The following GABRG2 variants were observed in gnomAD, a reference collection of about 807,000 sequenced individuals.
The protein encoded by GABRG2 is gamma-aminobutyric acid receptor subunit gamma-2.
A neutral mutation model predicts 56.4 loss-of-function variants in GABRG2; 16 were observed. That is an observed-to-expected ratio of 0.28 (90% CI 0.19 to 0.43). The LOEUF (loss-of-function observed/expected upper bound fraction) is 0.43, where lower values mean the gene tolerates loss of function less well. Among genes scored for constraint, GABRG2 ranks in the 20% least tolerant of loss-of-function variants. The probability of loss-of-function intolerance (pLI) is 1.00; values close to 1 mark genes in which losing one functional copy is unlikely to be tolerated. For synonymous variants in GABRG2, 208 were observed against 205.5 expected (o/e 1.01, Z -0.10); for missense variants, 327 against 582.7 (o/e 0.56, Z 4.52).
intron 6 of GABRG2, among the ~76,000 whole-genome samples, chr5:162,121,558 T>C (rs1762980270): frequency 6.6e-6 from 1 of 152,072 alleles, no homozygotes; most frequent in Non-Finnish European, 1.5e-5. Context: ...TAATAACTTA[T>C]AAAAGACTCC....
chr5:162,112,889 A>G (rs1762351080), intron 6 of GABRG2, among the ~76,000 whole-genome samples: 1 of 152,126 alleles, frequency 6.6e-6, no homozygotes, highest in Non-Finnish European at 1.5e-5. Flanking sequence ...AAAAGGATTG[A>G]CCAATATGTT....
At chr5:162,123,052 C>G (rs1763081237) in intron 6 of GABRG2, among the ~76,000 whole-genome samples, 1 of 151,500 alleles carries the variant, frequency 6.6e-6, no homozygotes, top group African/African-American at 2.4e-5. Context: ...AATATGAAAA[C>G]AGCTTAGAAT....
chr5:162,106,145 A>T (rs115296204), intron 6 of GABRG2, among the ~76,000 whole-genome samples: 16 of 152,182 alleles, frequency 1.1e-4, no homozygotes, highest in Non-Finnish European at 1.8e-4. Flanking sequence ...GGAGAAAATT[A>T]TCTACTTACT....
chr5:162,068,970 G>A (rs533435604), intron 1 of GABRG2, among the ~76,000 whole-genome samples: 2 of 152,214 alleles, frequency 1.3e-5, no homozygotes, highest in South Asian at 2.1e-4. Context: ...TGCTGAACCA[G>A]GTGAATGTGA....
chr5:162,113,074 G>A (rs1328557816), intron 6 of GABRG2, among the ~76,000 whole-genome samples: 1 of 152,038 alleles, frequency 6.6e-6, no homozygotes, highest in East Asian at 1.9e-4. Context: ...CAAGTAGCTG[G>A]GATTGCACAC....
At chr5:162,115,610 A>G (rs1222665949) in intron 6 of GABRG2, among the ~76,000 whole-genome samples, 1 of 152,070 alleles carries the variant, frequency 6.6e-6, no homozygotes, top group Non-Finnish European at 1.5e-5. Context: ...TGAATGAGAA[A>G]TTGGGGATGG....
At chr5:162,089,258 A>G (rs1003532213) in intron 1 of GABRG2, among the ~76,000 whole-genome samples, 1 of 152,118 alleles carries the variant, frequency 6.6e-6, no homozygotes, top group Non-Finnish European at 1.5e-5. Flanking sequence ...GGGTAACATG[A>G]TGATGTACGG....
chr5:162,131,038 A>G (rs1022986213), intron 6 of GABRG2, among the ~76,000 whole-genome samples: 7 of 152,012 alleles, frequency 4.6e-5, no homozygotes, highest in African/African-American at 1.4e-4. Flanking sequence ...ATTTCACCAA[A>G]TAGATAACCA....
At chr5:162,089,136 A>T (rs1760365359) in intron 1 of GABRG2, among the ~76,000 whole-genome samples, 2 of 152,150 alleles carry the variant, frequency 1.3e-5, no homozygotes, top group South Asian at 4.1e-4. Flanking sequence ...GTATTGAAAC[A>T]TGCTAATTAG....
At chr5:162,104,538 T>C (rs903448734) in intron 6 of GABRG2, among the ~76,000 whole-genome samples, 1 of 152,158 alleles carries the variant, frequency 6.6e-6, no homozygotes, top group African/African-American at 2.4e-5. Flanking sequence ...TTATAAGCTA[T>C]AGACATTGGG....
At chr5:162,140,901 TTTAAAAAGAGAC>T (rs1179337667) in intron 6 of GABRG2, among the ~76,000 whole-genome samples, 1 of 152,216 alleles carries the variant, frequency 6.6e-6, no homozygotes, top group Non-Finnish European at 1.5e-5. Context: ...GCATCATGAC[TTTAAAAAGAGAC>T]TTCAAATTGT....
upstream of GABRG2, chr5:162,067,770 G>A (rs1758325634): frequency 1.6e-6 from 1 of 609,682 alleles, no homozygotes; most frequent in Non-Finnish European, 2.9e-6. Flanking sequence ...CTTGGAAGCC[G>A]CTGCCAGAGT....
intron 4 of GABRG2, chr5:162,100,173 A>T (rs1465345638): frequency 6.6e-6 from 1 of 152,100 alleles, no homozygotes. Context: ...TAAATGAGGA[A>T]GCAATTCACT....
intron 5 of GABRG2, chr5:162,102,444 T>A (rs1761496121): frequency 8.9e-6 from 4 of 450,714 alleles, no homozygotes; most frequent in Non-Finnish European, 1.8e-5. Flanking sequence ...CAAACACAAT[T>A]TAATATTACT....
chr5:162,087,714 A>G (rs902854172), intron 1 of GABRG2, among the ~76,000 whole-genome samples: 1 of 152,136 alleles, frequency 6.6e-6, no homozygotes, highest in African/African-American at 2.4e-5. Context: ...TAGGATTTAC[A>G]ATTATATCTG....
At chr5:162,120,239 C>G (rs1303988521) in intron 6 of GABRG2, among the ~76,000 whole-genome samples, 5 of 152,082 alleles carry the variant, frequency 3.3e-5, no homozygotes, top group Non-Finnish European at 5.9e-5. Flanking sequence ...CAGGCACAAC[C>G]TTTGCACCCA....
chr5:162,085,031 T>A (rs1403276500), intron 1 of GABRG2, among the ~76,000 whole-genome samples: 1 of 151,920 alleles, frequency 6.6e-6, no homozygotes, highest in African/African-American at 2.4e-5. Context: ...AAAACTTCCA[T>A]GTTAGTGTGT....
At chr5:162,138,534 A>G (rs1018622528) in intron 6 of GABRG2, among the ~76,000 whole-genome samples, 21 of 152,296 alleles carry the variant, frequency 1.4e-4, no homozygotes, top group Admixed American at 9.8e-4. Flanking sequence ...TCTCCGCATT[A>G]CCTAATACAC....
intron 9 of GABRG2, chr5:162,152,768 G>A (rs1765464569): frequency 1.8e-6 from 1 of 563,296 alleles, no homozygotes; most frequent in African/African-American, 1.9e-5. Context: ...TGTAACCAAT[G>A]TCACATCTAA....
Sources: gnomAD v4.1 joint callset for allele counts (sites outside exome capture counted in the v4.1 genomes callset) on GRCh38, gnomAD v4.1.1 for gene constraint, MANE v1.5 for transcripts, NCBI Gene and HGNC (gene_info 2026-07-23, HGNC 2026-07-21) for gene names.